STRIP2: variants seen among roughly 807,000 people sequenced by gnomAD.
STRIP2 encodes the protein striatin-interacting protein 2.
Under a neutral mutation model 107.1 loss-of-function variants are expected in STRIP2, and 84 were observed. That is an observed-to-expected ratio of 0.78 (90% confidence interval 0.66 to 0.94). The LOEUF is 0.94. Among genes scored for constraint, STRIP2 ranks in the 40% least tolerant of loss-of-function variants. STRIP2 has a pLI of 0.00. For missense variants in STRIP2, 888 were observed against 1,034.2 expected, an observed-to-expected ratio of 0.86 and a Z score of 1.94; for synonymous variants, 394 against 400.4, an observed-to-expected ratio of 0.98 and a Z score of 0.19.
chr7:129,454,029 G>A, intron 5 of STRIP2, 113 bp from the exon 6 acceptor site: 1 of 925,318 alleles, frequency 1.1e-6, no homozygotes, highest in Non-Finnish European at 1.7e-6. Flanking sequence ...AGTTTCATTA[G>A]TGGCTGCCTA....
At chr7:129,470,602 G>A (rs1383230013) in intron 17 of STRIP2, 47 bp from the exon 18 acceptor site, 2 of 1,487,164 alleles carry the variant, frequency 1.3e-6, no homozygotes, top group East Asian at 2.3e-5. Flanking sequence ...GCCAATTCCT[G>A]CTGTTGCCAT....
At chr7:129,460,423 C>T in intron 13 of STRIP2, 51 bp downstream of exon 13, 1 of 1,487,340 alleles carries the variant, frequency 6.7e-7, no homozygotes, top group Non-Finnish European at 9.3e-7. Context: ...AACCTGTCTT[C>T]AGTGTTGTCA....
chr7:129,456,141 CTTTTTTTTCTTTT>C (rs1403426066), intron 8 of STRIP2, among the ~76,000 whole-genome samples: 3 of 81,008 alleles, frequency 3.7e-5, no homozygotes, highest in Admixed American at 1.5e-4. Flanking sequence ...TCGATAGTTT[CTTTTTTTTCTTTT>C]TTTTTTTTTT....
chr7:129,467,512 C>A, intron 17 of STRIP2, 62 bp downstream of exon 17: 1 of 1,184,828 alleles, frequency 8.4e-7, no homozygotes, highest in Admixed American at 1.9e-5. Context: ...AAAATTACAT[C>A]ATCTCGGAGC....
chr7:129,453,452 T>C, intron 5 of STRIP2, 105 bp downstream of exon 5: 1 of 1,417,374 alleles, frequency 7.1e-7, no homozygotes, highest in Non-Finnish European at 9.6e-7. Context: ...TGTGAGGAAC[T>C]GGGTCTACTC....
rs1434547330 is a variant in STRIP2, at chr7:129,461,353, T to C, written c.1476+981T>C. On this transcript the variant is annotated intron_variant, in intron 13 of 20. Transcript: ENST00000249344. The surrounding 1 kb of genome is among the most constrained non-coding windows in gnomAD (Gnocchi z 4.0). ...TAAATTCGGGAGTTGTTTGTAACAC[T>C]TATAGGCAGTGTTAAAGGCCGTAGA... Among the ~76,000 whole-genome samples, 3 of 152,136 alleles carry C rather than the reference T, an allele frequency of 2.0e-5. No homozygotes were observed. Among genetic ancestry groups the C allele is most frequent in the African/African-American group, 7.2e-5 (3 of 41,414 alleles).
At chr7:129,472,455 A>T (rs781289640) in intron 18 of STRIP2, among the ~76,000 whole-genome samples, 4 of 152,170 alleles carry the variant, frequency 2.6e-5, no homozygotes, top group Non-Finnish European at 5.9e-5. Flanking sequence ...GAAAGCATGT[A>T]TTTATTCTTC....
intron 5 of STRIP2, 121 bp downstream of exon 5, chr7:129,453,468 T>G (rs993997020): frequency 3.2e-6 from 4 of 1,254,216 alleles, no homozygotes; most frequent in Non-Finnish European, 4.4e-6. Flanking sequence ...TACTCACACC[T>G]CAGCCCAAAG....
chr7:129,447,415 C>T (rs575345854), intron 3 of STRIP2, among the ~76,000 whole-genome samples: 3 of 152,188 alleles, frequency 2.0e-5, no homozygotes, highest in Middle Eastern at 3.4e-3. Flanking sequence ...GTAGAAGTTC[C>T]CTGAATTTTA....
At position 129,458,893 on chromosome 7, in the gene STRIP2, G is replaced by A; in HGVS notation, c.1340+116G>A. 1.1e-6 allele frequency: 1 copy of A among 949,128 alleles called. No individual in the cohort carries two copies. 58.8% of individuals were successfully genotyped at this position (949,128 alleles called of 1,614,324 possible). On this transcript the variant is annotated intron_variant, in intron 11 of 20. Transcript: ENST00000249344. This position sits in a 1 kb window ranked among gnomAD's most constrained non-coding sequence, Gnocchi z 4.6. ...GTCATAATGTAACCTAGAGCCCCTA[G>A]GCCATGGACAACTCCCAGTGACTAC... is the stretch of plus-strand genomic sequence containing the variant.
At chr7:129,447,094 G>A (rs692507) in intron 3 of STRIP2, among the ~76,000 whole-genome samples, 128,534 of 152,184 alleles carry the variant, frequency 0.84, 55,280 homozygotes, top group East Asian at 0.96. Context: ...CCCATCTGCC[G>A]CTGACACCTC....
Position 129,444,029 on chromosome 7 carries a change from T to G in STRIP2, c.205T>G (p.Tyr69Asp). The G allele has an allele frequency of 6.2e-7, 1 of 1,613,168 alleles. No homozygotes were observed. The highest frequency in any genetic ancestry group is 8.5e-7 in the Non-Finnish European group (1 of 1,179,202). The change falls in exon 3 of 21, where the codon TAT (tyrosine) becomes GAT (aspartate). Residue 69 changes from tyrosine (Y) to aspartate (D), a missense_variant. Coordinates refer to ENST00000249344, the MANE Select transcript of STRIP2 (RefSeq NM_020704.3). ...TTCTGTCTTTCCTGCCACAGAATTG[T>G]ATAGTTACACTGAGAACCTGGAATT... ...DGHAAELSEL[Y>D]SYTENLEFTN...
chr7:129,484,578 A>T (rs1415200685), intron 20 of STRIP2: 1 of 152,188 alleles, frequency 6.6e-6, no homozygotes, highest in Admixed American at 6.5e-5. Context: ...ATTTTACTCC[A>T]GATATGCTGA....
At chr7:129,467,576 A>G (rs1798701181) in intron 17 of STRIP2, 126 bp downstream of exon 17, 1 of 571,686 alleles carries the variant, frequency 1.7e-6, no homozygotes, top group Admixed American at 3.4e-5. Context: ...TGTCACTGTT[A>G]AATTTAATTT....
At chr7:129,463,911 G>A (rs1020326822) in intron 14 of STRIP2, 133 bp from the exon 15 acceptor site, 29 of 673,734 alleles carry the variant, frequency 4.3e-5, no homozygotes, top group Non-Finnish European at 5.7e-5. Context: ...ATGCTGGGGA[G>A]ATATGGTCAT....
At chr7:129,455,586 C>G (rs1404661892) in intron 8 of STRIP2, among the ~76,000 whole-genome samples, 2 of 152,166 alleles carry the variant, frequency 1.3e-5, no homozygotes, top group Non-Finnish European at 2.9e-5. Context: ...ATGGGAGATG[C>G]CACTCCATAA....
At chr7:129,474,043 A>G (rs1798857334) in intron 18 of STRIP2, among the ~76,000 whole-genome samples, 1 of 152,206 alleles carries the variant, frequency 6.6e-6, no homozygotes, top group African/African-American at 2.4e-5. Context: ...ATAGTTACAC[A>G]TAATATTCCA....
In STRIP2 at chr7:129,460,372, G is replaced by A. The variant is rs1052225624; in HGVS notation, c.1476G>A (p.Leu492=). The A allele has an allele frequency of 6.2e-7, 1 of 1,613,346 alleles. No individual in the cohort carries two copies. ...AGCTGGAGAAGTGCCCTATGTCTTT[G>A]GTGAGCCAAGGAAGCCCTACACAGG... ...EEELEKCPMS[L]GEEVVPETPC... is the part of the protein sequence containing the mutation. The change falls in exon 13 of 21, where the codon TTG becomes TTA. Residue 492 remains leucine (L), a splice_region_variant and synonymous_variant. Transcript: ENST00000249344.
Position 129,458,817 on chromosome 7 carries a change from C to T in STRIP2, c.1340+40C>T, listed in dbSNP as rs780687602. ...GGCTGGAACTGGCTACAGAGTGGTT[C>T]CTAGGGGGCCAGAGGAGCAGGTAGC... On this transcript the variant is annotated intron_variant, in intron 11 of 20. Coordinates refer to ENST00000249344, the MANE Select transcript of STRIP2 (RefSeq NM_020704.3). The surrounding 1 kb of genome is among the most constrained non-coding windows in gnomAD (Gnocchi z 4.6). 6.9e-6 allele frequency: 11 copies of T among 1,598,558 alleles called. No homozygotes were observed. The African/African-American group carries it at 1.5e-4, about 21-fold the overall frequency.
Sources: gnomAD v4.1 joint callset for allele counts (sites outside exome capture counted in the v4.1 genomes callset) on GRCh38, gnomAD v4.1.1 for gene constraint, Gnocchi (gnomAD v3.1) non-coding constraint, MANE v1.5 for transcripts, NCBI Gene and HGNC (gene_info 2026-07-23, HGNC 2026-07-21) for gene names.